The following WNK1 variants were observed in gnomAD, a reference collection of about 807,000 sequenced individuals.
The protein encoded by WNK1 is serine/threonine-protein kinase WNK1.
In WNK1, 38 loss-of-function variants were observed where a neutral mutation model predicts 222.8. The ratio of observed to expected loss-of-function variants is 0.17; its 90% CI spans 0.13 to 0.22. The LOEUF (loss-of-function observed/expected upper bound fraction) is 0.22, where lower values mean the gene tolerates loss of function less well. WNK1 is among the 10% of genes least tolerant of loss of function. WNK1 has a pLI of 1.00. For synonymous variants in WNK1, 1,090 were observed against 1,092.9 expected (o/e 1.00, Z 0.05); for missense variants, 2,348 against 2,918.4 (o/e 0.80, Z 4.50).
chr12:762,983 C>T lies in WNK1; in HGVS notation c.759+8659C>T, dbSNP rs539987974. On this transcript the variant is annotated intron_variant, in intron 1 of 27. Coordinates refer to ENST00000315939, the MANE Select transcript of WNK1 (RefSeq NM_018979.4). ...CTGGTCTCCAACTCCCGACCTCAGG[C>T]GATCCGCCAGCCTCGGCCTCCCAAA... is the stretch of plus-strand genomic sequence containing the variant. 4.9e-4 allele frequency among the ~76,000 whole-genome samples: 71 copies of T among 146,354 alleles called. 6 individuals are homozygous for T. Among genetic ancestry groups the T allele is most frequent in the Non-Finnish European group, 5.5e-4 (36 of 65,494 alleles).
intron 1 of WNK1, among the ~76,000 whole-genome samples, chr12:755,101 G>A (rs1424209362): frequency 6.6e-6 from 1 of 152,140 alleles, no homozygotes; most frequent in Non-Finnish European, 1.5e-5. Context: ...AACCTCTAGT[G>A]GTGTAAATAA....
rs374696513 is a variant in WNK1 at position 826,903 on chromosome 12, A to G, written c.933-139A>G. ...CATAGCCCTGCTTACTAAAAGTATT[A>G]TTAACCTTTAGTGTTACTGAATCTT... On this transcript the variant is annotated intron_variant, in intron 2 of 27. Coordinates refer to ENST00000315939, the MANE Select transcript of WNK1 (RefSeq NM_018979.4). 5.6e-4 allele frequency: 374 copies of G among 667,262 alleles called. 4 individuals carry two copies. The South Asian group carries it at 6.8e-3, about 12-fold the overall frequency. 41.3% of individuals were successfully genotyped at this position (667,262 alleles called of 1,614,324 possible).
At chr12:798,921 C>A (rs895531107) in intron 1 of WNK1, among the ~76,000 whole-genome samples, 25 of 152,010 alleles carry the variant, frequency 1.6e-4, no homozygotes, top group African/African-American at 6.0e-4. Flanking sequence ...GTTAAATAGA[C>A]CCTTGTAAAT....
chr12:838,462 TG>T (rs1327735994), intron 4 of WNK1, among the ~76,000 whole-genome samples: 1 of 152,114 alleles, frequency 6.6e-6, no homozygotes, highest in Admixed American at 6.6e-5. Flanking sequence ...TCACCCAGAC[TG>T]GAGTGCAGTG....
At chr12:901,424 C>T in intron 26 of WNK1, 1 of 404,714 alleles carries the variant, frequency 2.5e-6, no homozygotes, top group Non-Finnish European at 4.2e-6. Flanking sequence ...ACATATCTGA[C>T]CTTCCCCCCA....
At chr12:876,994 A>G (rs1565564041) in intron 9 of WNK1, among the ~76,000 whole-genome samples, 1 of 150,698 alleles carries the variant, frequency 6.6e-6, no homozygotes, top group African/African-American at 2.4e-5. Context: ...CAGATGTTGT[A>G]TTAAAGAAAA....
In WNK1 at chr12:907,959, G is replaced by A. The variant is rs775935459; in HGVS notation, c.6756G>A (p.Lys2252=). 1.9e-6 allele frequency: 3 copies of A among 1,614,172 alleles called. 1 individual carries two copies. Among genetic ancestry groups the A allele is most frequent in the South Asian group, 2.2e-5 (2 of 91,082 alleles). The part of the protein sequence containing the change: ...RKGTFTDDLH[K]LVDNWARDAM... ...GCACATTCACAGATGACTTGCACAAGTTGGTAGACAATTGGGCCCGAGATG... is the reference window on the plus strand; with the variant it reads ...GCACATTCACAGATGACTTGCACAAATTGGTAGACAATTGGGCCCGAGATG... Residue 2252 remains lysine, a synonymous_variant, in exon 27 of 28, where the codon AAG becomes AAA. Coordinates refer to ENST00000315939, the MANE Select transcript of WNK1 (RefSeq NM_018979.4).
At chr12:786,135 A>G (rs1320344366) in intron 1 of WNK1, among the ~76,000 whole-genome samples, 6 of 152,198 alleles carry the variant, frequency 3.9e-5, no homozygotes, top group Non-Finnish European at 7.4e-5. Flanking sequence ...TATTAAGGGA[A>G]AAAATCTGTA....
chr12:843,359 A>G lies in WNK1; in HGVS notation c.1311+13199A>G, dbSNP rs551179454. ...CTACTTTACCGTATTATAAATTAAA[A>G]TAGAATTTGCAAAAGCATTTAAAAA... On this transcript the variant is annotated intron_variant, in intron 4 of 27. Transcript: ENST00000315939. 1.6e-4 allele frequency among the ~76,000 whole-genome samples: 25 copies of G among 152,372 alleles called. No individual in the cohort carries two copies. In the South Asian group the frequency reaches 3.3e-3, roughly 20 times the overall value.
rs745947901 is a variant in WNK1 at position 868,689 on chromosome 12, G to T, written c.2140-2576G>T. 6.2e-7 allele frequency: 1 copy of T among 1,613,778 alleles called. No homozygotes were observed. Among genetic ancestry groups the T allele is most frequent in the Non-Finnish European group, 8.5e-7 (1 of 1,179,900 alleles). ...GAAGGAGGTGGAATTTTACCTCAGC[G>T]TGTTTACCGAAATCGGCAGGTTGCA... On this transcript the variant is annotated intron_variant, in intron 8 of 27. Coordinates refer to ENST00000315939, the MANE Select transcript of WNK1 (RefSeq NM_018979.4).
intron 1 of WNK1, among the ~76,000 whole-genome samples, chr12:808,150 G>T (rs914510166): frequency 3.3e-5 from 5 of 152,084 alleles, no homozygotes; most frequent in African/African-American, 1.2e-4. Flanking sequence ...GTTTAACCCT[G>T]TTAGCTGCTT....
Position 827,615 on chromosome 12 carries a change from A to T in WNK1, c.1153+353A>T, listed in dbSNP as rs1384287271. The T allele has an allele frequency of 5.3e-5, 14 of 264,948 alleles. No individual in the cohort carries two copies. The South Asian group carries it at 1.0e-3, about 19-fold the overall frequency. The allele number at this position is 264,948 out of a possible 1,614,324, so 16.4% of individuals were successfully genotyped here. Reference sequence around the variant, plus strand: ...ACAATCTCAGCTCACTGCAACCTCCACCCACCGGGTTCAAGCGATTCTTGT... The same window carrying T: ...ACAATCTCAGCTCACTGCAACCTCCTCCCACCGGGTTCAAGCGATTCTTGT... On this transcript the variant is annotated intron_variant, in intron 3 of 27. Coordinates refer to ENST00000315939, the MANE Select transcript of WNK1 (RefSeq NM_018979.4). The surrounding 1 kb of genome is among the most constrained non-coding windows in gnomAD (Gnocchi z 4.6).
chr12:865,044 T>G (rs756490161), intron 8 of WNK1: 19 of 1,438,524 alleles, frequency 1.3e-5, no homozygotes, highest in Non-Finnish European at 1.7e-5. Flanking sequence ...CTGTTATCAT[T>G]GTACTTTTGT....
At chr12:758,613 A>G (rs1940571295) in intron 1 of WNK1, among the ~76,000 whole-genome samples, 1 of 146,490 alleles carries the variant, frequency 6.8e-6, no homozygotes, top group Non-Finnish European at 1.5e-5. Flanking sequence ...GGTCTGCTAT[A>G]GTTCTTAAAA....
At chr12:848,682 C>T (rs1307950239) in intron 4 of WNK1, among the ~76,000 whole-genome samples, 1 of 151,804 alleles carries the variant, frequency 6.6e-6, no homozygotes, top group East Asian at 1.9e-4. Flanking sequence ...AAGGTTTCTT[C>T]TCTGGACTAT....
chr12:753,872 C>T lies in WNK1; in HGVS notation c.307C>T (p.Pro103Ser), dbSNP rs1939556330. 1 of 1,612,322 alleles carries T rather than the reference C, an allele frequency of 6.2e-7. No homozygotes were observed. Among genetic ancestry groups the T allele is most frequent in the Non-Finnish European group, 8.5e-7 (1 of 1,179,876 alleles). Residue 103 changes from proline to serine, a missense_variant, in exon 1 of 28, where the codon CCC (proline) becomes TCC (serine). By Grantham distance (74) the Pro-to-Ser change is moderately conservative (BLOSUM62 -1). This residue lies in a region of WNK1 where 185 missense variants were observed against 159.2 expected (regional missense o/e 1.16). Transcript: ENST00000315939. The surrounding 1 kb of genome is among the most constrained non-coding windows in gnomAD (Gnocchi z 5.2). ...LELPGLPLSL[P>S]QPSIPAAVPQ... is the part of the protein sequence containing the mutation. ...GCTTCCCGGCCTTCCTCTTTCCCTG[C>T]CCCAGCCCAGCATCCCCGCGGCTGT...
intron 4 of WNK1, among the ~76,000 whole-genome samples, chr12:846,540 T>G (rs1214194928): frequency 6.6e-6 from 1 of 152,182 alleles, no homozygotes; most frequent in Non-Finnish European, 1.5e-5. Flanking sequence ...AAGAGGCTTG[T>G]TTTCCAATGG....
At chr12:867,045 C>G (rs1318965847) in intron 8 of WNK1, among the ~76,000 whole-genome samples, 1 of 152,126 alleles carries the variant, frequency 6.6e-6, no homozygotes, top group Non-Finnish European at 1.5e-5. Flanking sequence ...ATCCCTTGAA[C>G]CCAGGAGGCG....
intron 24 of WNK1, 26 bp from the exon 25 acceptor site, chr12:897,453 G>T: frequency 7.1e-7 from 1 of 1,403,796 alleles, no homozygotes; most frequent in South Asian, 1.2e-5. Flanking sequence ...ATGGTATTTT[G>T]AATTATGTTT....
Sources: gnomAD v4.1 joint callset for allele counts (sites outside exome capture counted in the v4.1 genomes callset) on GRCh38, gnomAD v4.1.1 for gene constraint, gnomAD v4.1.1 regional missense constraint, Gnocchi (gnomAD v3.1) non-coding constraint, MANE v1.5 for transcripts, NCBI Gene and HGNC (gene_info 2026-07-23, HGNC 2026-07-21) for gene names.